Variants in RNF213 observed in about 807,000 individuals in gnomAD.
RNF213 encodes the protein ring finger protein 213.
RNF213 carries 341 observed loss-of-function variants against 514.4 expected under a neutral mutation model. That is an observed-to-expected ratio of 0.66 (90% CI 0.61 to 0.73). RNF213 has a LOEUF of 0.73. RNF213 is among the 30% of genes least tolerant of loss of function. The pLI is 0.00. For missense variants in RNF213, 5,767 were observed against 6,615.6 expected, an observed-to-expected ratio of 0.87 and a Z score of 4.45; for synonymous variants, 2,655 against 2,658.2, an observed-to-expected ratio of 1.00 and a Z score of 0.04.
chr17:80,391,298 T>A (rs1174440540), intron 67 of RNF213, among the ~76,000 whole-genome samples: 1 of 152,176 alleles, frequency 6.6e-6, no homozygotes, highest in Non-Finnish European at 1.5e-5. Flanking sequence ...TTTGAGACCG[T>A]GTCTCACTCC....
At position 80,385,573 on chromosome 17, in the gene RNF213, G is replaced by A. The variant is rs778462518; in HGVS notation, c.14491G>A (p.Val4831Ile). The change falls in exon 61 of 68, where the codon GTC becomes ATC. Residue 4831 changes from valine to isoleucine, a missense_variant. Transcript: ENST00000582970. The part of the protein sequence containing the change: ...LRQLLHNRIT[V>I]FLSTWNKLRR... ...GCAGCTGCTTCACAACAGGATCACA[G>A]TCTTTCTGTCCACATGGAACAAACT... 6.2e-7 allele frequency: 1 copy of A among 1,614,180 alleles called. No homozygotes were observed. Among genetic ancestry groups the A allele is most frequent in the South Asian group, 1.1e-5 (1 of 91,078 alleles).
At position 80,385,608 on chromosome 17, in the gene RNF213, G is replaced by A. The variant is rs769095777; in HGVS notation, c.14526G>A (p.Ser4842=). 7.4e-6 allele frequency: 12 copies of A among 1,613,822 alleles called. No homozygotes were observed. Among genetic ancestry groups the A allele is most frequent in the Admixed American group, 1.7e-5 (1 of 59,988 alleles). The change falls in exon 61 of 68, where the codon TCG becomes TCA. Residue 4842 remains serine, a synonymous_variant. Coordinates refer to ENST00000582970, the MANE Select transcript of RNF213 (RefSeq NM_001256071.3). ...FLSTWNKLRR[S]LETNGEINLP... ...CCACATGGAACAAACTGAGGAGATC[G>A]CTTGAGACGAACGGTTAGTATCCTG...
At position 80,346,627 on chromosome 17, in the gene RNF213, CCT is replaced by C; in HGVS notation, c.8295_8296del (p.Phe2766ProfsTer79). Reference protein sequence around the residue: ...MVVCIELKIPLFLVGKPGSSK... With the variant: ...MVVCIELKIPXFLVGKPGSSK... ...TCGTCTGCATCGAGCTGAAGATTCC[CCT>C]CTTCCTGGTGGGGAAGCCCGGCAGC... On this transcript the variant is annotated frameshift_variant, in exon 29 of 68. Coordinates refer to ENST00000582970, the MANE Select transcript of RNF213 (RefSeq NM_001256071.3). LOFTEE classifies it high-confidence loss of function. The surrounding 1 kb of genome is among the most constrained non-coding windows in gnomAD (Gnocchi z 8.1). 1 of 1,612,946 alleles carries C rather than the reference CCT, an allele frequency of 6.2e-7. No homozygotes were observed. The highest frequency in any genetic ancestry group is 8.5e-7 in the Non-Finnish European group (1 of 1,180,022).
intron 2 of RNF213, among the ~76,000 whole-genome samples, chr17:80,266,633 C>T (rs2043620150): frequency 1.3e-5 from 2 of 151,888 alleles, no homozygotes; most frequent in South Asian, 2.1e-4. Context: ...TCCCAAGTAG[C>T]GGGGATTACA....
chr17:80,367,889 A>T lies in RNF213; in HGVS notation c.11972+41A>T, dbSNP rs140406954. ...TGGATCTGTGAAGGCGAGAATTCTG[A>T]ACCTCTCGTGGTTTTCACTTCTTCT... On this transcript the variant is annotated intron_variant, in intron 43 of 67. Coordinates refer to ENST00000582970, the MANE Select transcript of RNF213 (RefSeq NM_001256071.3). The T allele has an allele frequency of 3.7e-3, 5,992 of 1,613,258 alleles. 19 individuals carry two copies. The highest frequency in any genetic ancestry group is 5.4e-3 in the Middle Eastern group (33 of 6,060).
At chr17:80,370,561 T>C (rs1177118805) in intron 46 of RNF213, among the ~76,000 whole-genome samples, 3 of 152,236 alleles carry the variant, frequency 2.0e-5, no homozygotes, top group African/African-American at 7.2e-5. Context: ...TTCACCGCCA[T>C]GCACACGTGG....
chr17:80,294,655 TA>T, intron 8 of RNF213, 64 bp from the exon 9 acceptor site: 1 of 1,579,232 alleles, frequency 6.3e-7, no homozygotes, highest in Non-Finnish European at 8.7e-7. Context: ...CCTTCTAGGC[TA>T]GTGTCTAGGT....
At position 80,348,303 on chromosome 17, in the gene RNF213, A is replaced by C. The variant is rs1191672286; in HGVS notation, c.9951+17A>C. 1 of 1,608,338 alleles carries C rather than the reference A, an allele frequency of 6.2e-7. No individual in the cohort carries two copies. The highest frequency in any genetic ancestry group is 1.1e-5 in the South Asian group (1 of 91,062). The stretch of plus-strand genomic sequence containing the variant: ...TTCACAGAGGTGATTGTCTTTCTGC[A>C]CTTGTACCCTATCCCCTGTCACCCA... On this transcript the variant is annotated intron_variant, in intron 29 of 67. Coordinates refer to ENST00000582970, the MANE Select transcript of RNF213 (RefSeq NM_001256071.3).
intron 46 of RNF213, 23 bp from the exon 47 acceptor site, chr17:80,371,851 G>C (rs796208400): frequency 8.4e-7 from 1 of 1,193,658 alleles, no homozygotes. Context: ...AGAGAACCAG[G>C]AATAATATTT....
rs2078280952 is a variant in RNF213 at position 80,345,551 on chromosome 17, A to T, written c.7216A>T (p.Ile2406Phe). The stretch of plus-strand genomic sequence containing the variant: ...CGACAATATGCTTAAAATCCTTGCC[A>T]TCGAGATGCGGTTCCGGTGTGGGAT... ...TTDNMLKILA[I>F]EMRFRCGIPV... Residue 2406 changes from isoleucine to phenylalanine, a missense_variant, in exon 29 of 68, where the codon ATC becomes TTC. By Grantham distance (21) the Ile-to-Phe change is conservative. This residue lies in a region of RNF213 where 1,377 missense variants were observed against 1,635.2 expected (regional missense o/e 0.84). Transcript: ENST00000582970. This position sits in a 1 kb window ranked among gnomAD's most constrained non-coding sequence, Gnocchi z 6.0. The T allele has an allele frequency of 6.2e-7, 1 of 1,613,450 alleles. No individual in the cohort carries two copies. The highest frequency in any genetic ancestry group is 1.1e-5 in the South Asian group (1 of 91,084).
intron 17 of RNF213, chr17:80,321,520 C>T (rs1177611451): frequency 6.6e-6 from 1 of 152,066 alleles, no homozygotes; most frequent in African/African-American, 2.4e-5. Flanking sequence ...GGGTGTATAC[C>T]TCGATGTAGA....
intron 20 of RNF213, among the ~76,000 whole-genome samples, chr17:80,330,682 T>C (rs1157453956): frequency 6.6e-6 from 1 of 152,236 alleles, no homozygotes; most frequent in Non-Finnish European, 1.5e-5. Context: ...TGTTCTGCCA[T>C]GTATCTGTGG....
chr17:80,352,738 G>A (rs1399346005), intron 32 of RNF213: 17 of 746,512 alleles, frequency 2.3e-5, no homozygotes, highest in Non-Finnish European at 3.1e-5. Context: ...TGAAGCTGTC[G>A]ATGGGCATAG....
chr17:80,339,394 T>A lies in RNF213; in HGVS notation c.5027T>A (p.Leu1676His). The change falls in exon 26 of 68, where the codon CTC becomes CAC. Residue 1676 changes from leucine to histidine, a missense_variant. By Grantham distance (99) the Leu-to-His change is moderately conservative (BLOSUM62 -3). This residue lies in a region of RNF213 where 1,377 missense variants were observed against 1,635.2 expected (regional missense o/e 0.84). Coordinates refer to ENST00000582970, the MANE Select transcript of RNF213 (RefSeq NM_001256071.3). ...GATGTCACTGAGCTGCTGGCAGCCC[T>A]CTGCAGGCAGATGGAGCACTTCCTT... is the stretch of plus-strand genomic sequence containing the variant. ...GGDVTELLAA[L>H]CRQMEHFLDS... 6.5e-7 allele frequency: 1 copy of A among 1,537,250 alleles called. No homozygotes were observed. Among genetic ancestry groups the A allele is most frequent in the South Asian group, 1.2e-5 (1 of 84,062 alleles).
intron 3 of RNF213, among the ~76,000 whole-genome samples, chr17:80,285,191 C>T (rs889338982): frequency 2.6e-5 from 4 of 152,212 alleles, no homozygotes; most frequent in African/African-American, 7.2e-5. Flanking sequence ...CCCATTTGGT[C>T]ACCCTCAGTG....
intron 61 of RNF213, 83 bp from the exon 62 acceptor site, chr17:80,386,167 C>T: frequency 7.3e-7 from 1 of 1,365,402 alleles, no homozygotes; most frequent in Non-Finnish European, 1.0e-6. Flanking sequence ...GAGCTGATGG[C>T]TTCTGCATCC....
At chr17:80,287,719 G>T (rs1208426892) in intron 3 of RNF213, 96 bp from the exon 4 acceptor site, 1 of 1,273,424 alleles carries the variant, frequency 7.9e-7, no homozygotes, top group Non-Finnish European at 1.1e-6. Flanking sequence ...AGCCAAGCTT[G>T]ATGTAGTTGA....
rs371750093 is a variant in RNF213, at chr17:80,345,922, G to A, written c.7587G>A (p.Lys2529=). The A allele has an allele frequency of 3.1e-6, 5 of 1,614,122 alleles. No homozygotes were observed. Among genetic ancestry groups the A allele is most frequent in the Non-Finnish European group, 3.4e-6 (4 of 1,180,056 alleles). ...HIIAACNPYR[K]HSEEMICRLE... ...TAGCTGCCTGCAATCCATACCGGAAGCACTCTGAGGAGATGATCTGCCGTT... is the reference window on the plus strand; with the variant it reads ...TAGCTGCCTGCAATCCATACCGGAAACACTCTGAGGAGATGATCTGCCGTT... The change falls in exon 29 of 68, where the codon AAG becomes AAA. Residue 2529 remains lysine, a synonymous_variant. Transcript: ENST00000582970. The surrounding 1 kb of genome is among the most constrained non-coding windows in gnomAD (Gnocchi z 6.0).
rs747662744 is a variant in RNF213 at position 80,372,620 on chromosome 17, CG to C, written c.12641del (p.Gly4214AlafsTer144). 6.2e-7 allele frequency: 1 copy of C among 1,614,052 alleles called. No homozygotes were observed. Among genetic ancestry groups the C allele is most frequent in the South Asian group, 1.1e-5 (1 of 91,062 alleles). On this transcript the variant is annotated frameshift_variant, in exon 48 of 68. Coordinates refer to ENST00000582970, the MANE Select transcript of RNF213 (RefSeq NM_001256071.3). LOFTEE classifies it high-confidence loss of function. Reference protein sequence around the residue: ...RFLKAYSPASRGREPANEASV... With the variant: ...RFLKAYSPASXGREPANEASV... The stretch of plus-strand genomic sequence containing the variant: ...CCTTAAGGCATATTCTCCAGCAAGC[CG>C]GGGCCGAGAGCCTGCCAACGAGGCC...
Sources: gnomAD v4.1 joint callset for allele counts (sites outside exome capture counted in the v4.1 genomes callset) on GRCh38, gnomAD v4.1.1 for gene constraint, gnomAD v4.1.1 regional missense constraint, Gnocchi (gnomAD v3.1) non-coding constraint, MANE v1.5 for transcripts, NCBI Gene and HGNC (gene_info 2026-07-23, HGNC 2026-07-21) for gene names.